The following PLEKHA5 variants were observed in gnomAD, a reference collection of about 807,000 sequenced individuals.
The protein encoded by PLEKHA5 is pleckstrin homology domain-containing family A member 5.
A neutral mutation model predicts 181.9 loss-of-function variants in PLEKHA5; 55 were observed. That is an observed-to-expected ratio of 0.30 (90% CI 0.24 to 0.38). The LOEUF is 0.38. PLEKHA5 is among the 10% of genes least tolerant of loss of function. The pLI is 1.00. For missense variants in PLEKHA5, 1,432 were observed against 1,549.5 expected (o/e 0.92, Z 1.27); for synonymous variants, 535 against 529.4 (o/e 1.01, Z -0.15).
At chr12:19,262,849 A>C (rs201071577) in intron 7 of PLEKHA5, among the ~76,000 whole-genome samples, 2 of 152,126 alleles carry the variant, frequency 1.3e-5, no homozygotes, top group Non-Finnish European at 2.9e-5. Context: ...ACAAATCCAC[A>C]TGTGTACCCC....
intron 27 of PLEKHA5, among the ~76,000 whole-genome samples, 191 bp downstream of exon 27, chr12:19,358,628 G>C (rs2095071094): frequency 6.6e-6 from 1 of 152,112 alleles, no homozygotes; most frequent in Admixed American, 6.6e-5. Context: ...AGAGACCAGA[G>C]CTAAACTACA....
At chr12:19,283,149 C>CA (rs34391812) in intron 11 of PLEKHA5, 131 bp from the exon 12 acceptor site, 42,629 of 201,528 alleles carry the variant, frequency 0.21, 1,232 homozygotes, top group African/African-American at 0.3. Context: ...TCTTGTCTCC[C>CA]AAAAAAAAAA....
chr12:19,256,519 G>A (rs2066912068), intron 5 of PLEKHA5, among the ~76,000 whole-genome samples: 1 of 152,098 alleles, frequency 6.6e-6, no homozygotes, highest in African/African-American at 2.4e-5. Context: ...GTATCTTTTT[G>A]TGTCGTTTGA....
chr12:19,200,216 T>C (rs948384295), intron 3 of PLEKHA5: 6 of 721,622 alleles, frequency 8.3e-6, no homozygotes, highest in Non-Finnish European at 1.4e-5. Flanking sequence ...ACACTTTCCA[T>C]GCAGCAACAA....
At chr12:19,249,441 G>A (rs1170241451) in intron 3 of PLEKHA5, among the ~76,000 whole-genome samples, 2 of 152,072 alleles carry the variant, frequency 1.3e-5, no homozygotes, top group Non-Finnish European at 2.9e-5. Flanking sequence ...GGAGCAGGAT[G>A]GAGAGAGATT....
At chr12:19,236,825 A>G (rs2061474543) in intron 3 of PLEKHA5, 1 of 152,176 alleles carries the variant, frequency 6.6e-6, no homozygotes, top group Non-Finnish European at 1.5e-5. Flanking sequence ...TGCGGCTGCA[A>G]TGACATGTTC....
chr12:19,290,824 C>A, intron 14 of PLEKHA5, 28 bp downstream of exon 14: 4 of 1,507,556 alleles, frequency 2.7e-6, no homozygotes, highest in South Asian at 2.5e-5. Context: ...TTGTCTGTGT[C>A]GTCTGCCATC....
chr12:19,331,728 T>TA (rs1171101990), intron 20 of PLEKHA5, among the ~76,000 whole-genome samples: 1 of 152,102 alleles, frequency 6.6e-6, no homozygotes, highest in African/African-American at 2.4e-5. Context: ...ACAATTTTTT[T>TA]AAAAAAAATC....
chr12:19,354,777 C>T (rs1002280504), intron 26 of PLEKHA5, among the ~76,000 whole-genome samples: 13 of 152,272 alleles, frequency 8.5e-5, no homozygotes, highest in Middle Eastern at 3.4e-3. Flanking sequence ...CCACCGCGCC[C>T]GGCCTTAAAA....
intron 3 of PLEKHA5, among the ~76,000 whole-genome samples, chr12:19,220,561 G>T (rs2058786292): frequency 6.6e-6 from 1 of 152,124 alleles, no homozygotes; most frequent in African/African-American, 2.4e-5. Context: ...GCTATGGTGT[G>T]CACTATTTCT....
At chr12:19,301,193 CCATGGCAAGAA>C (rs1485036216) in intron 15 of PLEKHA5, among the ~76,000 whole-genome samples, 9 of 152,100 alleles carry the variant, frequency 5.9e-5, no homozygotes, top group African/African-American at 2.2e-4. Flanking sequence ...ATAGATTTAT[CCATGGCAAGAA>C]CAAGTACCTT....
intron 3 of PLEKHA5, chr12:19,150,178 C>G (rs1310391927): frequency 1.3e-5 from 2 of 152,030 alleles, no homozygotes; most frequent in African/African-American, 4.8e-5. Flanking sequence ...GTGGGATGAC[C>G]CTCTTTATTA....
intron 3 of PLEKHA5, among the ~76,000 whole-genome samples, chr12:19,250,113 G>T (rs1327906935): frequency 1.3e-5 from 2 of 152,142 alleles, no homozygotes; most frequent in African/African-American, 2.4e-5. Context: ...TCCCCTGGAG[G>T]CGAAATCACC....
chr12:19,297,450 G>T (rs1270739274), intron 15 of PLEKHA5, among the ~76,000 whole-genome samples: 1 of 150,450 alleles, frequency 6.6e-6, no homozygotes, highest in South Asian at 2.1e-4. Flanking sequence ...GTGAAACCCC[G>T]TCTCTACTAA....
At chr12:19,226,349 C>T (rs1329037768) in intron 3 of PLEKHA5, among the ~76,000 whole-genome samples, 2 of 152,114 alleles carry the variant, frequency 1.3e-5, no homozygotes, top group African/African-American at 2.4e-5. Context: ...GTTGATTGGA[C>T]ATGTGGGTTC....
At chr12:19,248,884 G>A (rs2064472943) in intron 3 of PLEKHA5, among the ~76,000 whole-genome samples, 1 of 152,140 alleles carries the variant, frequency 6.6e-6, no homozygotes, top group South Asian at 2.1e-4. Flanking sequence ...ATATAATGAT[G>A]ACATATACTG....
At chr12:19,232,645 A>G (rs1592146503) in intron 3 of PLEKHA5, among the ~76,000 whole-genome samples, 1 of 152,158 alleles carries the variant, frequency 6.6e-6, no homozygotes, top group African/African-American at 2.4e-5. Context: ...CTCATTATAA[A>G]TGGTCTCTTC....
intron 2 of PLEKHA5, among the ~76,000 whole-genome samples, chr12:19,131,780 T>G (rs1434553079): frequency 6.6e-6 from 1 of 152,194 alleles, no homozygotes; most frequent in East Asian, 1.9e-4. Flanking sequence ...AAACAACTTG[T>G]CATTAATAAT....
At chr12:19,270,042 T>C in intron 9 of PLEKHA5, 146 bp from the exon 10 acceptor site, 4 of 624,212 alleles carry the variant, frequency 6.4e-6, no homozygotes, top group Non-Finnish European at 1.1e-5. Context: ...CTGAATTAAA[T>C]TAATACACAT....
Sources: gnomAD v4.1 joint callset for allele counts (sites outside exome capture counted in the v4.1 genomes callset) on GRCh38, gnomAD v4.1.1 for gene constraint, MANE v1.5 for transcripts, NCBI Gene and HGNC (gene_info 2026-07-23, HGNC 2026-07-21) for gene names.